The following AJAP1 variants were observed in gnomAD, a reference collection of about 807,000 sequenced individuals.
AJAP1 encodes the protein adherens junctions associated protein 1.
In AJAP1, 5 loss-of-function variants were observed where a neutral mutation model predicts 35.0. That is an observed-to-expected ratio of 0.14 (90% CI 0.07 to 0.30). The LOEUF is 0.30. Ranked by LOEUF, AJAP1 falls within the 10% of genes least tolerant of loss-of-function variation. The pLI is 1.00. For synonymous variants in AJAP1, 284 were observed against 249.3 expected (o/e 1.14, Z -1.31); for missense variants, 586 against 571.0 (o/e 1.03, Z -0.27).
In AJAP1 at chr1:4,761,533, CG is replaced by C. The variant is rs1641566011; in HGVS notation, c.830-8318del. ...CCATGATGCCATGGCCATTGGCCAT[CG>C]GCCATTTCTGTGCAGAGAACAATCA... On this transcript the variant is annotated intron_variant, in intron 2 of 5. Coordinates refer to ENST00000378191, the MANE Select transcript of AJAP1 (RefSeq NM_018836.4). Among the ~76,000 whole-genome samples, 4 of 152,316 alleles carry C rather than the reference CG, an allele frequency of 2.6e-5. No homozygotes were observed. In the South Asian group the frequency reaches 8.3e-4, roughly 32 times the overall value.
At chr1:4,744,834 C>A (rs974763401) in intron 2 of AJAP1, among the ~76,000 whole-genome samples, 2 of 152,150 alleles carry the variant, frequency 1.3e-5, no homozygotes, top group Middle Eastern at 3.2e-3. Flanking sequence ...ACATGATTTG[C>A]CCCTGCTGGT....
chr1:4,698,492 C>T (rs1485317753), intron 1 of AJAP1, among the ~76,000 whole-genome samples: 1 of 152,226 alleles, frequency 6.6e-6, no homozygotes, highest in African/African-American at 2.4e-5. Flanking sequence ...GGCTGTTGTA[C>T]CTACCTTCAG....
In AJAP1 at chr1:4,655,636, T is replaced by C. The variant is rs1638862084; in HGVS notation, c.29+182T>C. Among the ~76,000 whole-genome samples the C allele has an allele frequency of 2.0e-5, 3 of 151,094 alleles. No homozygotes were observed. The highest frequency in any genetic ancestry group is 2.0e-4 in the Admixed American group (3 of 15,194). ...GGAGCCTGGAGCAGCACCGCGGCCC[T>C]GGCGGGGAGCGGCCGGGTCTCCAGG... On this transcript the variant is annotated intron_variant, in intron 1 of 5. Coordinates refer to ENST00000378191, the MANE Select transcript of AJAP1 (RefSeq NM_018836.4). The surrounding 1 kb of genome is among the most constrained non-coding windows in gnomAD (Gnocchi z 6.9).
intron 2 of AJAP1, among the ~76,000 whole-genome samples, chr1:4,766,535 C>T (rs551631533): frequency 1.3e-5 from 2 of 152,310 alleles, no homozygotes; most frequent in South Asian, 4.1e-4. Flanking sequence ...ATTGGGGCCA[C>T]ATGTCAGAAG....
Position 4,782,834 on chromosome 1 carries a change from C to T in AJAP1, c.*349C>T. ...ACCCAGCGAAAGGGACGGGAGGAAG[C>T]ATCCGAAACCTAGGATTCGTCCTAC... On this transcript the variant is annotated 3_prime_UTR_variant, in exon 6 of 6. Transcript: ENST00000378191. This position sits in a 1 kb window ranked among gnomAD's most constrained non-coding sequence, Gnocchi z 5.3. The T allele has an allele frequency of 2.5e-6, 1 of 398,646 alleles. No homozygotes were observed. Among genetic ancestry groups the T allele is most frequent in the Non-Finnish European group, 4.4e-6 (1 of 226,080 alleles). 24.7% of individuals were successfully genotyped at this position (398,646 alleles called of 1,614,324 possible).
chr1:4,748,333 C>T (rs1641239925), intron 2 of AJAP1, among the ~76,000 whole-genome samples: 1 of 152,218 alleles, frequency 6.6e-6, no homozygotes, highest in African/African-American at 2.4e-5. Context: ...TCCTGTTACT[C>T]ATGATGCCAG....
chr1:4,708,480 T>C (rs6688423), intron 1 of AJAP1, among the ~76,000 whole-genome samples: 83,081 of 151,996 alleles, frequency 0.55, 22,918 homozygotes, highest in South Asian at 0.71. Context: ...CCTCCCGAAA[T>C]CTGTTCATCA....
At position 4,750,953 on chromosome 1, in the gene AJAP1, C is replaced by T. The variant is rs188941969; in HGVS notation, c.830-18900C>T. ...GGGCTGGGAGGGCCAGTGGAAAGGT[C>T]AGCTTCTCCCAATCCCCAGTGTAGA... is the stretch of plus-strand genomic sequence containing the variant. On this transcript the variant is annotated intron_variant, in intron 2 of 5. Coordinates refer to ENST00000378191, the MANE Select transcript of AJAP1 (RefSeq NM_018836.4). Among the ~76,000 whole-genome samples the T allele has an allele frequency of 2.9e-3, 437 of 150,880 alleles. 3 individuals carry two copies. Among genetic ancestry groups the T allele is most frequent in the Admixed American group, 2.9e-3 (44 of 15,154 alleles).
intron 1 of AJAP1, among the ~76,000 whole-genome samples, chr1:4,674,095 A>C (rs1340695785): frequency 6.6e-6 from 1 of 151,378 alleles, no homozygotes; most frequent in South Asian, 2.1e-4. Context: ...TCTTTCAAAT[A>C]CAAATGTTAC....
At chr1:4,694,189 C>CTGCAA (rs1639806021) in intron 1 of AJAP1, among the ~76,000 whole-genome samples, 1 of 113,844 alleles carries the variant, frequency 8.8e-6, no homozygotes, top group African/African-American at 3.3e-5. Flanking sequence ...CCAGTCTGCA[C>CTGCAA]CCACTTCATG....
Position 4,712,601 on chromosome 1 carries a change from G to A in AJAP1, c.731G>A (p.Arg244Lys), listed in dbSNP as rs1640287785. Residue 244 changes from arginine (R) to lysine (K), a missense_variant, in exon 2 of 6, where the codon AGA (arginine) becomes AAA (lysine). Transcript: ENST00000378191. ...TTCACCGAGTCCTTGGATCCCCGGA[G>A]AAGGATCCCAGGTGGGGTTAGCACA... ...KGFTESLDPR[R>K]RIPGGVSTTE... The A allele has an allele frequency of 6.2e-7, 1 of 1,602,412 alleles. No individual in the cohort carries two copies. Among genetic ancestry groups the A allele is most frequent in the South Asian group, 1.1e-5 (1 of 89,618 alleles).
At position 4,774,565 on chromosome 1, in the gene AJAP1, A is replaced by G. The variant is rs1641905767; in HGVS notation, c.*59+7A>G. 3 of 1,492,202 alleles carry G rather than the reference A, an allele frequency of 2.0e-6. No individual in the cohort carries two copies. Among genetic ancestry groups the G allele is most frequent in the African/African-American group, 1.4e-5 (1 of 72,288 alleles). The allele number at this position is 1,492,202 out of a possible 1,614,324, so 92.4% of individuals were successfully genotyped here. A position where few individuals can be genotyped will look rare whatever the true frequency, so the allele number is the denominator to read the frequency against. ...GCCGTGTGTCTGTTTCACGGTAGGT[A>G]CCTCTCTTTGGACATTCCTGTTTTC... On this transcript the variant is annotated splice_region_variant and intron_variant, in intron 5 of 5. Coordinates refer to ENST00000378191, the MANE Select transcript of AJAP1 (RefSeq NM_018836.4).
chr1:4,778,571 A>ATC (rs141390632), intron 5 of AJAP1, among the ~76,000 whole-genome samples: 3,976 of 142,738 alleles, frequency 0.028, 97 homozygotes, highest in South Asian at 0.1. Context: ...GATTGGCGCC[A>ATC]TCTCTCTCTC....
At chr1:4,756,670 C>T (rs1211609156) in intron 2 of AJAP1, among the ~76,000 whole-genome samples, 1 of 152,186 alleles carries the variant, frequency 6.6e-6, no homozygotes, top group African/African-American at 2.4e-5. Flanking sequence ...CGCTTAGGTT[C>T]TGTGCAAGAA....
chr1:4,686,612 C>T (rs759446606), intron 1 of AJAP1, among the ~76,000 whole-genome samples: 10 of 152,332 alleles, frequency 6.6e-5, no homozygotes, highest in East Asian at 1.9e-4. Context: ...AGAGCTTTGC[C>T]GAGCAGGAGG....
intron 2 of AJAP1, among the ~76,000 whole-genome samples, chr1:4,767,842 G>A (rs545096464): frequency 6.6e-6 from 1 of 152,346 alleles, no homozygotes; most frequent in Admixed American, 6.5e-5. Context: ...GCCAGAGGGA[G>A]TGTGTGGGTA....
At chr1:4,665,562 T>C (rs1288189846) in intron 1 of AJAP1, among the ~76,000 whole-genome samples, 1 of 152,188 alleles carries the variant, frequency 6.6e-6, no homozygotes, top group Admixed American at 6.5e-5. Flanking sequence ...TCTCAGGCTC[T>C]CACCCCGACG....
intron 1 of AJAP1, among the ~76,000 whole-genome samples, chr1:4,687,045 C>T (rs1409481320): frequency 6.6e-6 from 1 of 152,244 alleles, no homozygotes; most frequent in Non-Finnish European, 1.5e-5. Context: ...AGGCCATGTC[C>T]TCACCACGGA....
chr1:4,658,232 C>G (rs1002459971), intron 1 of AJAP1, among the ~76,000 whole-genome samples: 2 of 152,192 alleles, frequency 1.3e-5, no homozygotes, highest in Non-Finnish European at 2.9e-5. Context: ...ATTCCCAGCC[C>G]ATGTCCCTGC....
Sources: gnomAD v4.1 joint callset for allele counts (sites outside exome capture counted in the v4.1 genomes callset) on GRCh38, gnomAD v4.1.1 for gene constraint, Gnocchi (gnomAD v3.1) non-coding constraint, MANE v1.5 for transcripts, NCBI Gene and HGNC (gene_info 2026-07-23, HGNC 2026-07-21) for gene names.